Variants in ENOX1 observed in about 807,000 individuals in gnomAD.
The protein encoded by ENOX1 is ecto-NOX disulfide-thiol exchanger 1, also known as candidate growth-related and time keeping constitutive hydroquinone (NADH) oxidase.
In ENOX1, 42 loss-of-function variants were observed where a neutral mutation model predicts 82.5. The ratio of observed to expected loss-of-function variants is 0.51; its 90% CI spans 0.40 to 0.66. The LOEUF (loss-of-function observed/expected upper bound fraction) is 0.66, where lower values mean the gene tolerates loss of function less well. Among genes scored for constraint, ENOX1 ranks in the 30% least tolerant of loss-of-function variants. The pLI is 0.00. For missense variants in ENOX1, 608 were observed against 811.6 expected, an observed-to-expected ratio of 0.75 and a Z score of 3.05; for synonymous variants, 271 against 282.2, an observed-to-expected ratio of 0.96 and a Z score of 0.40.
At chr13:43,639,301 C>CA (rs1555348314) in intron 2 of ENOX1, among the ~76,000 whole-genome samples, 1 of 151,704 alleles carries the variant, frequency 6.6e-6, no homozygotes, top group African/African-American at 2.4e-5. Flanking sequence ...GAATCCACCT[C>CA]AAAAATAAAA....
rs368831564 is a variant in ENOX1, at chr13:43,411,938, C to T, written c.186G>A (p.Leu62=). Residue 62 remains leucine (L), a synonymous_variant, in exon 5 of 17, where the codon TTG becomes TTA. Coordinates refer to ENST00000690772, the MANE Select transcript of ENOX1 (RefSeq NM_001347969.2). ...TACCAGACACGAGCTGCTGTCCAGG[C>T]AACCCTACGGGAACCATGCCCAGGT... ...MNNLGMVPVG[L]PGQQLVSDSI... The T allele has an allele frequency of 1.1e-5, 18 of 1,614,066 alleles. No homozygotes were observed. Among genetic ancestry groups the T allele is most frequent in the Non-Finnish European group, 1.5e-5 (18 of 1,180,034 alleles).
intron 11 of ENOX1, 66 bp downstream of exon 11, chr13:43,322,318 T>C (rs919837545): frequency 1.6e-6 from 2 of 1,245,290 alleles, no homozygotes; most frequent in Non-Finnish European, 2.3e-6. Flanking sequence ...CATTTACTTA[T>C]TCCCCATCTG....
At chr13:43,269,213 T>C (rs2044549006) in intron 13 of ENOX1, among the ~76,000 whole-genome samples, 2 of 152,216 alleles carry the variant, frequency 1.3e-5, no homozygotes, top group African/African-American at 4.8e-5. Flanking sequence ...TTATCGAAAT[T>C]TGATTGTCTT....
At chr13:43,433,086 C>A (rs185562684) in intron 3 of ENOX1, among the ~76,000 whole-genome samples, 2 of 152,190 alleles carry the variant, frequency 1.3e-5, no homozygotes, top group African/African-American at 4.8e-5. Context: ...ATACCCGAGG[C>A]CAAGTACTTT....
At chr13:43,775,591 T>C (rs1193503840) in intron 1 of ENOX1, among the ~76,000 whole-genome samples, 1 of 152,218 alleles carries the variant, frequency 6.6e-6, no homozygotes, top group Non-Finnish European at 1.5e-5. Flanking sequence ...GCTCCTGGCA[T>C]CTGAGGATGG....
intron 2 of ENOX1, among the ~76,000 whole-genome samples, chr13:43,497,964 T>G (rs2076849936): frequency 6.6e-6 from 1 of 152,068 alleles, no homozygotes; most frequent in Non-Finnish European, 1.5e-5. Flanking sequence ...AAATTTTATC[T>G]TATAAAAAAA....
At chr13:43,320,918 T>A (rs560528770) in intron 11 of ENOX1, among the ~76,000 whole-genome samples, 11 of 152,318 alleles carry the variant, frequency 7.2e-5, no homozygotes, top group African/African-American at 2.4e-4. Context: ...AGAATAGAAA[T>A]CCTGTGAGGA....
At chr13:43,726,708 G>A (rs972279496) in intron 1 of ENOX1, among the ~76,000 whole-genome samples, 4 of 147,156 alleles carry the variant, frequency 2.7e-5, no homozygotes, top group Non-Finnish European at 6.0e-5. Flanking sequence ...CTGAAGAAAC[G>A]CATTGACTTT....
intron 1 of ENOX1, among the ~76,000 whole-genome samples, chr13:43,780,734 G>A (rs926659630): frequency 1.3e-5 from 2 of 152,162 alleles, no homozygotes; most frequent in African/African-American, 4.8e-5. Flanking sequence ...GTGGTACTTG[G>A]GATCCAGATG....
rs576198888 is a variant in ENOX1, at chr13:43,255,225, A to C, written c.1611+10173T>G. Among the ~76,000 whole-genome samples the C allele has an allele frequency of 2.0e-5, 3 of 152,294 alleles. No individual in the cohort carries two copies. In the East Asian group the frequency reaches 5.8e-4, roughly 29 times the overall value. On this transcript the variant is annotated intron_variant, in intron 14 of 16. Transcript: ENST00000690772. ...ATGATTTCATAGATGGTGAAAAAGCATTTGGGAAAATTCAACATCTCTTCA... is the reference window on the plus strand; with the variant it reads ...ATGATTTCATAGATGGTGAAAAAGCCTTTGGGAAAATTCAACATCTCTTCA...
intron 2 of ENOX1, among the ~76,000 whole-genome samples, chr13:43,615,636 A>G (rs2153741907): frequency 6.6e-6 from 1 of 152,254 alleles, no homozygotes; most frequent in African/African-American, 2.4e-5. Context: ...ACATGTGCAT[A>G]GAACGTGCAG....
intron 1 of ENOX1, among the ~76,000 whole-genome samples, chr13:43,722,749 A>G (rs1323131114): frequency 6.6e-6 from 1 of 152,192 alleles, no homozygotes; most frequent in Non-Finnish European, 1.5e-5. Context: ...AGGTTAAGTA[A>G]TTTATCCAAG....
At chr13:43,460,063 C>G (rs750869658) in intron 3 of ENOX1, among the ~76,000 whole-genome samples, 23 of 152,124 alleles carry the variant, frequency 1.5e-4, no homozygotes, top group Non-Finnish European at 2.9e-4. Flanking sequence ...AAACTATCCT[C>G]AAGGGGCTTA....
intron 12 of ENOX1, among the ~76,000 whole-genome samples, chr13:43,281,679 G>A (rs540073908): frequency 1.3e-5 from 2 of 152,248 alleles, no homozygotes; most frequent in Admixed American, 6.5e-5. Flanking sequence ...TCATCTGAAA[G>A]TCCAGCTGCT....
chr13:43,252,481 CTTTT>C (rs899108966), intron 14 of ENOX1, among the ~76,000 whole-genome samples: 15 of 152,302 alleles, frequency 9.8e-5, no homozygotes, highest in African/African-American at 2.9e-4. Context: ...TGCACTCTTT[CTTTT>C]TATTTTCTTC....
chr13:43,317,553 C>CT (rs2153522838), intron 11 of ENOX1, among the ~76,000 whole-genome samples: 1 of 148,068 alleles, frequency 6.8e-6, no homozygotes, highest in African/African-American at 2.6e-5. Context: ...ATTTTTATTA[C>CT]TTATTTTTTT....
At chr13:43,285,826 A>G (rs2011894614) in intron 12 of ENOX1, among the ~76,000 whole-genome samples, 1 of 151,296 alleles carries the variant, frequency 6.6e-6, no homozygotes, top group Non-Finnish European at 1.5e-5. Context: ...AAAAAAAAAA[A>G]AAAAAAGAGG....
At chr13:43,718,101 A>G (rs149066512) in intron 1 of ENOX1, among the ~76,000 whole-genome samples, 1 of 152,348 alleles carries the variant, frequency 6.6e-6, no homozygotes, top group East Asian at 1.9e-4. Flanking sequence ...TTGCAACACT[A>G]TTCACAATAG....
chr13:43,250,104 G>A (rs1213892951), intron 14 of ENOX1, among the ~76,000 whole-genome samples: 1 of 152,190 alleles, frequency 6.6e-6, no homozygotes, highest in Non-Finnish European at 1.5e-5. Context: ...ATGCCTCGCT[G>A]TTTAATCTGT....
Sources: gnomAD v4.1 joint callset for allele counts (sites outside exome capture counted in the v4.1 genomes callset) on GRCh38, gnomAD v4.1.1 for gene constraint, MANE v1.5 for transcripts, NCBI Gene and HGNC (gene_info 2026-07-23, HGNC 2026-07-21) for gene names.